BRCA2: variants seen among roughly 807,000 people sequenced by gnomAD.
The protein encoded by BRCA2 is BRCA2 DNA repair associated, also known as breast cancer type 2 susceptibility protein.
In BRCA2, 203 loss-of-function variants were observed where a neutral mutation model predicts 276.7. The ratio of observed to expected loss-of-function variants is 0.73; its 90% CI spans 0.65 to 0.82. The LOEUF (loss-of-function observed/expected upper bound fraction) is 0.82, where lower values mean the gene tolerates loss of function less well. BRCA2 is among the 40% of genes least tolerant of loss of function. The probability of loss-of-function intolerance (pLI) is 0.00; values close to 1 mark genes in which losing one functional copy is unlikely to be tolerated. For synonymous variants in BRCA2, 1,289 were observed against 1,338.4 expected (o/e 0.96, Z 0.81); for missense variants, 3,920 against 3,915.0 (o/e 1.00, Z -0.03).
intron 4 of BRCA2, 130 bp downstream of exon 4, chr13:32,325,314 AAAT>A (rs1389876428): frequency 4.5e-6 from 3 of 672,946 alleles, no homozygotes; most frequent in Non-Finnish European, 7.5e-6. Context: ...TTACATTTTT[AAAT>A]AATCTTTTAG....
chr13:32,321,097 G>A (rs2072303108), intron 3 of BRCA2, among the ~76,000 whole-genome samples: 1 of 152,070 alleles, frequency 6.6e-6, no homozygotes, highest in South Asian at 2.1e-4. Context: ...AGTAAATATG[G>A]AACATAAAAC....
At chr13:32,341,710 T>C (rs1249982788) in intron 11 of BRCA2, among the ~76,000 whole-genome samples, 1 of 151,370 alleles carries the variant, frequency 6.6e-6, no homozygotes, top group African/African-American at 2.4e-5. Context: ...ACTAAAAAAA[T>C]ACAAAAAATT....
intron 16 of BRCA2, among the ~76,000 whole-genome samples, chr13:32,358,476 C>CAA (rs34469166): frequency 2.6e-4 from 31 of 118,566 alleles, no homozygotes; most frequent in Admixed American, 5.3e-4. Context: ...GACTCCATCT[C>CAA]AAAAAAAAAA....
intron 3 of BRCA2, among the ~76,000 whole-genome samples, chr13:32,320,012 T>C (rs2072296094): frequency 6.6e-6 from 1 of 152,014 alleles, no homozygotes; most frequent in South Asian, 2.1e-4. Flanking sequence ...GAAGGATAGG[T>C]GAGAGATTAA....
chr13:32,361,889 C>T (rs1036724906), intron 16 of BRCA2, among the ~76,000 whole-genome samples: 4 of 152,014 alleles, frequency 2.6e-5, no homozygotes, highest in Non-Finnish European at 4.4e-5. Context: ...AAAGGCAGTT[C>T]TCAGGCGTGA....
rs864622552 is a variant in BRCA2, at chr13:32,362,591, G to A, written c.7874G>A (p.Arg2625Lys). The change falls in exon 17 of 27, where the codon AGA (arginine) becomes AAA (lysine). Residue 2625 changes from arginine (R) to lysine (K), a missense_variant. Around this residue, in one of 2 missense-constraint regions of BRCA2, gnomAD observed 3,263 missense variants for 3,156.9 expected, o/e 1.03. Transcript: ENST00000380152. ...AGAATTTGGGTTTATAATCACTATA[G>A]ATGGATCATATGGAAACTGGCAGCT... is the stretch of plus-strand genomic sequence containing the variant. Reference protein sequence around the residue: ...ISRIWVYNHYRWIIWKLAAME... With the variant: ...ISRIWVYNHYKWIIWKLAAME... The A allele has an allele frequency of 1.9e-6, 3 of 1,614,108 alleles. No individual in the cohort carries two copies. The highest frequency in any genetic ancestry group is 3.3e-5 in the Admixed American group (2 of 60,024).
At chr13:32,381,961 A>G (rs957399341) in intron 24 of BRCA2, among the ~76,000 whole-genome samples, 6 of 152,204 alleles carry the variant, frequency 3.9e-5, no homozygotes. Flanking sequence ...GAAAGACTGC[A>G]AGAAAAGCAA....
rs764435740 is a variant in BRCA2, at chr13:32,338,881, A to G, written c.4526A>G (p.Gln1509Arg). Reference sequence around the variant, plus strand: ...AATCAACTAGTGACCTTCCAGGGACAACCCGAACGTGATGAAAAGATCAAA... The same window carrying G: ...AATCAACTAGTGACCTTCCAGGGACGACCCGAACGTGATGAAAAGATCAAA... ...TGNQLVTFQG[Q>R]PERDEKIKEP... Residue 1509 changes from glutamine (Q) to arginine (R), a missense_variant, in exon 11 of 27, where the codon CAA becomes CGA. Gln to Arg is a conservative substitution (Grantham distance 43, BLOSUM62 1). Transcript: ENST00000380152. 2.5e-6 allele frequency: 4 copies of G among 1,613,980 alleles called. No individual in the cohort carries two copies. The Admixed American group carries it at 5.0e-5, about 20-fold the overall frequency.
At chr13:32,325,551 T>G (rs1037142228) in intron 4 of BRCA2, among the ~76,000 whole-genome samples, 5 of 150,758 alleles carry the variant, frequency 3.3e-5, no homozygotes, top group African/African-American at 1.2e-4. Context: ...TTTTTTTGTT[T>G]TTTTTTTTTT....
intron 24 of BRCA2, among the ~76,000 whole-genome samples, chr13:32,381,712 ACTGT>A (rs2072925384): frequency 2.0e-5 from 3 of 152,272 alleles, no homozygotes; most frequent in South Asian, 4.1e-4. Flanking sequence ...GTAGAGGGAC[ACTGT>A]CTGACAGGTT....
At chr13:32,369,304 A>G (rs2072811349) in intron 18 of BRCA2, among the ~76,000 whole-genome samples, 1 of 152,088 alleles carries the variant, frequency 6.6e-6, no homozygotes, top group South Asian at 2.1e-4. Context: ...TACTTGGGAT[A>G]GGAAAGAAAA....
intron 13 of BRCA2, among the ~76,000 whole-genome samples, chr13:32,352,779 A>G (rs2072661639): frequency 6.6e-6 from 1 of 152,230 alleles, no homozygotes; most frequent in Admixed American, 6.5e-5. Flanking sequence ...AGTATACCAA[A>G]GCAAAACTGT....
chr13:32,338,531 T>TG lies in BRCA2; in HGVS notation c.4177dup (p.Ala1393GlyfsTer10), dbSNP rs876659977. 1 of 1,604,568 alleles carries TG rather than the reference T, an allele frequency of 6.2e-7. No homozygotes were observed. The highest frequency in any genetic ancestry group is 8.5e-7 in the Non-Finnish European group (1 of 1,177,204). ...TGTCAGATTTAACTTTTTTGGAAGT[T>TG]GCGAAAGCTCAAGAAGCATGTCATG... On this transcript the variant is annotated frameshift_variant, in exon 11 of 27. Transcript: ENST00000380152. LOFTEE classifies it high-confidence loss of function.
intron 21 of BRCA2, among the ~76,000 whole-genome samples, chr13:32,378,877 G>A (rs1011721473): frequency 6.6e-6 from 1 of 151,982 alleles, no homozygotes; most frequent in African/African-American, 2.4e-5. Context: ...AGGGTTCTAG[G>A]GCCAACCTCT....
chr13:32,378,982 T>C (rs961502830), intron 21 of BRCA2, among the ~76,000 whole-genome samples: 3 of 152,196 alleles, frequency 2.0e-5, no homozygotes, highest in East Asian at 1.9e-4. Context: ...CCATGGACTG[T>C]TGTGAAGATT....
intron 9 of BRCA2, 117 bp downstream of exon 9, chr13:32,331,147 C>T: frequency 2.7e-6 from 2 of 730,616 alleles, no homozygotes; most frequent in Non-Finnish European, 2.4e-6. Flanking sequence ...CAACCTCTGC[C>T]TCCCGTGCTC....
chr13:32,340,961 T>C lies in BRCA2; in HGVS notation c.6606T>C (p.Asp2202=), dbSNP rs960827657. The C allele has an allele frequency of 1.2e-6, 2 of 1,609,086 alleles. No individual in the cohort carries two copies. The highest frequency in any genetic ancestry group is 1.7e-6 in the Non-Finnish European group (2 of 1,178,800). Residue 2202 remains aspartate (D), a synonymous_variant, in exon 11 of 27, where the codon GAT becomes GAC. Transcript: ENST00000380152. The part of the protein sequence containing the change: ...MEIGKTETFS[D]VPVKTNIEVC... ...TTGGTAAAACTGAAACTTTTTCTGA[T>C]GTTCCTGTGAAAACAAATATAGAAG... is the stretch of plus-strand genomic sequence containing the variant.
intron 3 of BRCA2, among the ~76,000 whole-genome samples, chr13:32,322,292 C>T (rs1266734825): frequency 6.6e-6 from 1 of 152,134 alleles, no homozygotes; most frequent in Non-Finnish European, 1.5e-5. Context: ...ATGCCGAGAC[C>T]AGCTCGATTG....
chr13:32,347,484 A>G (rs1361444451), intron 13 of BRCA2, among the ~76,000 whole-genome samples: 1 of 152,202 alleles, frequency 6.6e-6, no homozygotes, highest in African/African-American at 2.4e-5. Flanking sequence ...AGAAACATCT[A>G]TATTTCCTCC....
Sources: gnomAD v4.1 joint callset for allele counts (sites outside exome capture counted in the v4.1 genomes callset) on GRCh38, gnomAD v4.1.1 for gene constraint, gnomAD v4.1.1 regional missense constraint, MANE v1.5 for transcripts, NCBI Gene and HGNC (gene_info 2026-07-23, HGNC 2026-07-21) for gene names.